Variants in CDKAL1 observed in about 807,000 individuals in gnomAD.
The protein encoded by CDKAL1 is CDKAL1 threonylcarbamoyladenosine tRNA methylthiotransferase.
In CDKAL1, 32 loss-of-function variants were observed where a neutral mutation model predicts 68.2. The ratio of observed to expected loss-of-function variants is 0.47; its 90% confidence interval spans 0.35 to 0.63. CDKAL1 has a LOEUF of 0.63. Among genes scored for constraint, CDKAL1 ranks in the 30% least tolerant of loss-of-function variants. The pLI, the probability that CDKAL1 is intolerant of heterozygous loss-of-function variation, is 0.00. For missense variants in CDKAL1, 606 were observed against 696.7 expected (o/e 0.87, Z 1.47); for synonymous variants, 234 against 244.3 (o/e 0.96, Z 0.39).
intron 8 of CDKAL1, among the ~76,000 whole-genome samples, chr6:20,798,922 A>C (rs1776233383): frequency 8.3e-6 from 1 of 121,198 alleles, no homozygotes; most frequent in South Asian, 2.7e-4. Context: ...TAATACAAAA[A>C]AAAAAAAAAA....
At chr6:20,699,949 T>C (rs1003310416) in intron 5 of CDKAL1, among the ~76,000 whole-genome samples, 1 of 152,192 alleles carries the variant, frequency 6.6e-6, no homozygotes, top group Non-Finnish European at 1.5e-5. Flanking sequence ...TGTTTTGGTT[T>C]ATTATGTTAT....
At chr6:20,700,474 A>G (rs1771301620) in intron 5 of CDKAL1, among the ~76,000 whole-genome samples, 2 of 152,244 alleles carry the variant, frequency 1.3e-5, no homozygotes, top group African/African-American at 4.8e-5. Context: ...AACCTAGAGA[A>G]ACAAGGAAAG....
intron 15 of CDKAL1, among the ~76,000 whole-genome samples, chr6:21,203,156 C>T (rs1305627817): frequency 2.0e-5 from 3 of 148,312 alleles, no homozygotes; most frequent in Admixed American, 6.8e-5. Flanking sequence ...CGCAAGCAAT[C>T]GTCCCACATC....
chr6:20,683,768 A>G (rs905349326), intron 5 of CDKAL1, among the ~76,000 whole-genome samples: 5 of 152,182 alleles, frequency 3.3e-5, no homozygotes, highest in African/African-American at 1.2e-4. Flanking sequence ...GACTTTTGGT[A>G]TGGTATTTTC....
intron 13 of CDKAL1, among the ~76,000 whole-genome samples, chr6:21,156,627 G>A (rs1213854064): frequency 6.6e-6 from 1 of 152,004 alleles, no homozygotes; most frequent in African/African-American, 2.4e-5. Context: ...GGAGTGATGG[G>A]ACAAATTTGT....
intron 15 of CDKAL1, among the ~76,000 whole-genome samples, chr6:21,228,191 C>A (rs1178462208): frequency 6.6e-6 from 1 of 152,104 alleles, no homozygotes; most frequent in Non-Finnish European, 1.5e-5. Flanking sequence ...AGACCCTGTA[C>A]CTAATTTTGT....
intron 4 of CDKAL1, among the ~76,000 whole-genome samples, chr6:20,643,401 C>T (rs1013837938): frequency 6.6e-6 from 1 of 152,292 alleles, no homozygotes; most frequent in Non-Finnish European, 1.5e-5. Context: ...TTTATTCCAC[C>T]TCCACTTATC....
chr6:21,139,061 A>G (rs751411886), intron 13 of CDKAL1, among the ~76,000 whole-genome samples: 7 of 152,174 alleles, frequency 4.6e-5, no homozygotes, highest in Non-Finnish European at 1.0e-4. Context: ...CTCCCTGGCT[A>G]TTTTCATTTT....
chr6:20,636,834 C>A (rs1404485570), intron 4 of CDKAL1, among the ~76,000 whole-genome samples: 2 of 151,912 alleles, frequency 1.3e-5, no homozygotes, highest in Non-Finnish European at 2.9e-5. Context: ...GTCAGGAGTT[C>A]GAGACCAGCC....
intron 13 of CDKAL1, among the ~76,000 whole-genome samples, chr6:21,136,148 G>GT (rs1346066602): frequency 6.6e-6 from 1 of 152,150 alleles, no homozygotes; most frequent in Non-Finnish European, 1.5e-5. Flanking sequence ...CATGTTTTGT[G>GT]TTTACTTAGA....
intron 4 of CDKAL1, among the ~76,000 whole-genome samples, chr6:20,587,028 C>T (rs1353210491): frequency 4.6e-5 from 5 of 108,450 alleles, no homozygotes; most frequent in Non-Finnish European, 7.3e-5. Context: ...CTCTTTTTGC[C>T]CAGGCTGGAG....
intron 15 of CDKAL1, among the ~76,000 whole-genome samples, chr6:21,227,781 C>A (rs1779807694): frequency 2.0e-5 from 3 of 152,224 alleles, no homozygotes; most frequent in African/African-American, 7.2e-5. Context: ...CTAAACTTAA[C>A]ATGACCACAA....
At chr6:21,166,873 G>T (rs555897565) in intron 13 of CDKAL1, among the ~76,000 whole-genome samples, 1 of 152,046 alleles carries the variant, frequency 6.6e-6, no homozygotes. Context: ...CATCAGTGCC[G>T]GTCTCTTAAG....
intron 8 of CDKAL1, among the ~76,000 whole-genome samples, chr6:20,793,353 G>A (rs1403965049): frequency 6.6e-6 from 1 of 152,148 alleles, no homozygotes; most frequent in Non-Finnish European, 1.5e-5. Context: ...GGTGTCAGTA[G>A]CGGCGTTGAT....
At chr6:21,217,987 C>T (rs1779403893) in intron 15 of CDKAL1, among the ~76,000 whole-genome samples, 1 of 152,200 alleles carries the variant, frequency 6.6e-6, no homozygotes, top group South Asian at 2.1e-4. Context: ...CAGTTTGCAG[C>T]TTGTTAACCT....
intron 11 of CDKAL1, among the ~76,000 whole-genome samples, chr6:21,057,243 C>G (rs1019137116): frequency 1.5e-4 from 23 of 151,984 alleles, no homozygotes; most frequent in African/African-American, 5.3e-4. Context: ...TCCTTGTTCA[C>G]TCTTGGGAGG....
intron 6 of CDKAL1, among the ~76,000 whole-genome samples, chr6:20,754,899 G>C (rs1044355237): frequency 1.3e-5 from 2 of 152,044 alleles, no homozygotes; most frequent in Non-Finnish European, 2.9e-5. Context: ...ATAGATTTAT[G>C]GCTGTGTTTT....
intron 11 of CDKAL1, among the ~76,000 whole-genome samples, chr6:21,036,956 G>C (rs1477107300): frequency 6.6e-6 from 1 of 152,200 alleles, no homozygotes; most frequent in African/African-American, 2.4e-5. Context: ...AAGGTAGCGA[G>C]AGGAGATTAG....
intron 11 of CDKAL1, among the ~76,000 whole-genome samples, chr6:21,022,363 G>T (rs1161632322): frequency 6.6e-6 from 1 of 152,110 alleles, no homozygotes; most frequent in Non-Finnish European, 1.5e-5. Context: ...CAGTGCAGGG[G>T]GTAAATTATC....
Sources: allele counts gnomAD v4.1 joint callset (sites outside exome capture counted in the v4.1 genomes callset), GRCh38; gene constraint gnomAD v4.1.1; transcripts MANE v1.5; gene names NCBI Gene and HGNC (gene_info 2026-07-23, HGNC 2026-07-21).